The following PLB1 variants were observed in gnomAD, a reference collection of about 807,000 sequenced individuals.
PLB1 encodes the protein phospholipase B1, also known as phospholipase B1, membrane-associated.
A neutral mutation model predicts 227.4 loss-of-function variants in PLB1; 242 were observed. The observed-to-expected ratio is 1.06, with a 90% confidence interval of 0.96 to 1.18. The LOEUF is 1.18. Ranked by LOEUF, PLB1 falls within the 50% of genes most tolerant of loss-of-function variation. PLB1 has a pLI of 0.00. For missense variants in PLB1, 1,858 were observed against 1,816.3 expected, an observed-to-expected ratio of 1.02 and a Z score of -0.42; for synonymous variants, 757 against 682.2, an observed-to-expected ratio of 1.11 and a Z score of -1.71.
intron 44 of PLB1, among the ~76,000 whole-genome samples, chr2:28,615,779 G>A (rs1686119053): frequency 6.6e-6 from 1 of 152,226 alleles, no homozygotes. Flanking sequence ...AATGGGTCTG[G>A]ATCTGCCCTC....
chr2:28,528,583 C>A (rs1210884957), intron 6 of PLB1, among the ~76,000 whole-genome samples: 1 of 152,192 alleles, frequency 6.6e-6, no homozygotes, highest in African/African-American at 2.4e-5. Flanking sequence ...CTTGGTGTCC[C>A]AGAACTCTGG....
intron 17 of PLB1, among the ~76,000 whole-genome samples, chr2:28,557,678 TTAA>T (rs1675354619): frequency 6.6e-6 from 1 of 152,038 alleles, no homozygotes; most frequent in African/African-American, 2.4e-5. Flanking sequence ...TCGTGATGAG[TTAA>T]TGATGTGTTT....
chr2:28,578,791 C>T (rs1240483974), intron 22 of PLB1, among the ~76,000 whole-genome samples: 1 of 152,154 alleles, frequency 6.6e-6, no homozygotes, highest in East Asian at 1.9e-4. Context: ...ATTTAATGTA[C>T]ATCAAAGTCT....
chr2:28,621,023 G>T, intron 49 of PLB1, 45 bp downstream of exon 49: 1 of 1,514,808 alleles, frequency 6.6e-7, no homozygotes, highest in Admixed American at 1.8e-5. Flanking sequence ...GCAAGACTGA[G>T]ACATCAGGGT....
chr2:28,529,621 G>A lies in PLB1; in HGVS notation c.417-107G>A, dbSNP rs778161062. On this transcript the variant is annotated intron_variant, in intron 7 of 57. Transcript: ENST00000327757. ...TGCCCACCCTTCAGAAGCCAGGGGT[G>A]GATAAAGCTTAGAGACTGACACCTG... 74 of 1,208,744 alleles carry A rather than the reference G, an allele frequency of 6.1e-5. No homozygotes were observed. In the Middle Eastern group the frequency reaches 1.1e-3, roughly 19 times the overall value. The allele number at this position is 1,208,744 out of a possible 1,614,324, so 74.9% of individuals were successfully genotyped here.
chr2:28,566,937 G>C (rs1677040790), intron 20 of PLB1, 98 bp downstream of exon 20: 1 of 1,394,318 alleles, frequency 7.2e-7, no homozygotes, highest in Non-Finnish European at 1.0e-6. Flanking sequence ...AGGAGCCCCG[G>C]CTGCAGGAGC....
At chr2:28,538,443 T>C in intron 10 of PLB1, 62 bp downstream of exon 10, 3 of 1,490,704 alleles carry the variant, frequency 2.0e-6, no homozygotes, top group Non-Finnish European at 1.8e-6. Context: ...TCATGTGGCC[T>C]CCACCGGGGT....
chr2:28,594,759 C>T (rs1266686769), intron 33 of PLB1: 1 of 152,174 alleles, frequency 6.6e-6, no homozygotes, highest in African/African-American at 2.4e-5. Context: ...CCTTCCTGCG[C>T]CAAGGTCCCT....
At chr2:28,622,707 G>GT (rs746119119) in intron 49 of PLB1, among the ~76,000 whole-genome samples, 22 of 152,256 alleles carry the variant, frequency 1.4e-4, no homozygotes, top group Non-Finnish European at 1.0e-4. Flanking sequence ...GGCCAACATG[G>GT]TGAAACCCCA....
intron 17 of PLB1, among the ~76,000 whole-genome samples, chr2:28,556,096 C>G (rs1675068702): frequency 6.6e-6 from 1 of 152,106 alleles, no homozygotes; most frequent in Admixed American, 6.5e-5. Context: ...CTCCTGGGCT[C>G]AAATGATCCT....
intron 29 of PLB1, 82 bp downstream of exon 29, chr2:28,590,158 C>T: frequency 8.3e-7 from 1 of 1,201,078 alleles, no homozygotes; most frequent in Non-Finnish European, 1.2e-6. Context: ...CACCCTCACC[C>T]CAGCTCTGCC....
At chr2:28,530,582 C>T (rs1293436760) in intron 8 of PLB1, among the ~76,000 whole-genome samples, 1 of 152,198 alleles carries the variant, frequency 6.6e-6, no homozygotes, top group African/African-American at 2.4e-5. Context: ...TACCACTCTC[C>T]TAACAGTTCG....
chr2:28,581,482 C>T (rs533745938), intron 23 of PLB1, among the ~76,000 whole-genome samples: 192 of 58,308 alleles, frequency 3.3e-3, no homozygotes, highest in African/African-American at 0.016. Context: ...GAGCTCCACG[C>T]AAAAAAATAA....
At chr2:28,587,180 C>T (rs760004729) in intron 26 of PLB1, among the ~76,000 whole-genome samples, 3 of 152,152 alleles carry the variant, frequency 2.0e-5, no homozygotes, top group South Asian at 2.1e-4. Context: ...ACTGGGTGCA[C>T]GCAACTAAAG....
chr2:28,596,247 A>G (rs1402528883), intron 33 of PLB1, among the ~76,000 whole-genome samples: 3 of 152,226 alleles, frequency 2.0e-5, no homozygotes, highest in Non-Finnish European at 4.4e-5. Context: ...TGAAGGGTCT[A>G]AGGTGGACTA....
At position 28,539,151 on chromosome 2, in the gene PLB1, C is replaced by T; in HGVS notation, c.671C>T (p.Ser224Phe). Residue 224 changes from serine (S) to phenylalanine (F), a missense_variant, in exon 11 of 58, where the codon TCT becomes TTT. Coordinates refer to ENST00000327757, the MANE Select transcript of PLB1 (RefSeq NM_153021.5). Reference sequence around the variant, plus strand: ...GACCTCTCTGAGGTTGCAGAGGTCTCTCGTCAGTATCACGGCACTTGGCTC... The same window carrying T: ...GACCTCTCTGAGGTTGCAGAGGTCTTTCGTCAGTATCACGGCACTTGGCTC... Reference protein sequence around the residue: ...LVDLSEVAEVSRQYHGTWLSP... With the variant: ...LVDLSEVAEVFRQYHGTWLSP... The T allele has an allele frequency of 3.1e-6, 5 of 1,614,024 alleles. No homozygotes were observed. Among genetic ancestry groups the T allele is most frequent in the Non-Finnish European group, 4.2e-6 (5 of 1,179,870 alleles).
chr2:28,561,862 C>T lies in PLB1; in HGVS notation c.1148-1179C>T, dbSNP rs572778636. 4.6e-5 allele frequency among the ~76,000 whole-genome samples: 7 copies of T among 152,258 alleles called. No homozygotes were observed. In the South Asian group the frequency reaches 1.4e-3, roughly 32 times the overall value. ...ATTATCACGAGCCACTGCACTCCAG[C>T]CCAGGTGACACAGTGAGACTTTGTC... On this transcript the variant is annotated intron_variant, in intron 17 of 57. Coordinates refer to ENST00000327757, the MANE Select transcript of PLB1 (RefSeq NM_153021.5).
At chr2:28,572,135 AAT>A (rs1448546897) in intron 20 of PLB1, among the ~76,000 whole-genome samples, 2 of 152,236 alleles carry the variant, frequency 1.3e-5, no homozygotes, top group Non-Finnish European at 2.9e-5. Context: ...AAGATATGCA[AAT>A]GACTAGTAAG....
intron 40 of PLB1, 115 bp downstream of exon 40, chr2:28,604,162 G>A (rs1684319131): frequency 1.0e-6 from 1 of 971,614 alleles, no homozygotes; most frequent in East Asian, 2.6e-5. Context: ...GGGATTGTGG[G>A]GAGACGGGGA....
Sources: allele counts gnomAD v4.1 joint callset (sites outside exome capture counted in the v4.1 genomes callset), GRCh38; gene constraint gnomAD v4.1.1; transcripts MANE v1.5; gene names NCBI Gene and HGNC (gene_info 2026-07-23, HGNC 2026-07-21).